ZBTB20: variants seen among roughly 807,000 people sequenced by gnomAD.
ZBTB20 encodes zinc finger and BTB domain-containing protein 20.
A neutral mutation model predicts 56.9 loss-of-function variants in ZBTB20; 9 were observed. That is an observed-to-expected ratio of 0.16 (90% CI 0.10 to 0.28). The LOEUF is 0.28. ZBTB20 is among the 10% of genes least tolerant of loss of function. The probability of loss-of-function intolerance (pLI) is 1.00; values close to 1 mark genes in which losing one functional copy is unlikely to be tolerated. For missense variants in ZBTB20, 655 were observed against 1,003.0 expected, an observed-to-expected ratio of 0.65 and a Z score of 4.69; for synonymous variants, 417 against 420.7, an observed-to-expected ratio of 0.99 and a Z score of 0.11.
chr3:114,936,578 T>C (rs988716115), intron 3 of ZBTB20, among the ~76,000 whole-genome samples: 8 of 152,234 alleles, frequency 5.3e-5, no homozygotes, highest in Non-Finnish European at 1.0e-4. Context: ...TAAAGTTTTT[T>C]AATGAATGGA....
Position 114,351,008 on chromosome 3 carries a change from G to C in ZBTB20, c.1070C>G (p.Thr357Arg), listed in dbSNP as rs760166000. 1 of 1,610,826 alleles carries C rather than the reference G, an allele frequency of 6.2e-7. No individual in the cohort carries two copies. The highest frequency in any genetic ancestry group is 2.2e-5 in the East Asian group (1 of 44,740). ...GCCCTCGGCCTGGTCTGTGTCTTCC[G>C]TGCACTCCTCGGATTCGTTGCGTTC... ...ILERNESEEC[T>R]EDTDQAEGTE... is the part of the protein sequence containing the mutation. Residue 357 changes from threonine (T) to arginine (R), a missense_variant, in exon 11 of 12, where the codon ACG becomes AGG. By Grantham distance (71) the Thr-to-Arg change is moderately conservative. Transcript: ENST00000675478.
intron 6 of ZBTB20, among the ~76,000 whole-genome samples, chr3:114,568,282 A>G (rs1407235193): frequency 6.6e-6 from 1 of 152,170 alleles, no homozygotes; most frequent in East Asian, 1.9e-4. Context: ...CCCCCCACGA[A>G]AAACCTGATG....
At chr3:114,409,071 G>A (rs1312150707) in intron 7 of ZBTB20, among the ~76,000 whole-genome samples, 1 of 150,404 alleles carries the variant, frequency 6.6e-6, no homozygotes, top group East Asian at 2.0e-4. Flanking sequence ...GGCAGAAAAG[G>A]TTGAACGTAC....
chr3:114,371,921 A>G (rs1400492277), intron 10 of ZBTB20, among the ~76,000 whole-genome samples: 3 of 151,214 alleles, frequency 2.0e-5, no homozygotes, highest in Non-Finnish European at 1.5e-5. Flanking sequence ...AGCAAAAAAG[A>G]AAGCAAAAAA....
chr3:114,871,108 G>A (rs982153845), intron 4 of ZBTB20, among the ~76,000 whole-genome samples: 5 of 152,110 alleles, frequency 3.3e-5, no homozygotes, highest in African/African-American at 1.2e-4. Context: ...CATGACTACT[G>A]ACATGAAATT....
intron 6 of ZBTB20, among the ~76,000 whole-genome samples, chr3:114,679,326 C>T (rs572588609): frequency 6.6e-6 from 1 of 152,144 alleles, no homozygotes; most frequent in Admixed American, 6.5e-5. Context: ...GCAAAAGAAA[C>T]TATCATCAGA....
At chr3:115,135,970 CTTTG>C (rs954290010) in intron 1 of ZBTB20, among the ~76,000 whole-genome samples, 1 of 152,030 alleles carries the variant, frequency 6.6e-6, no homozygotes. Context: ...GCATAGTGTG[CTTTG>C]TTTGTCCCTC....
chr3:115,043,894 A>G (rs2081244022), intron 2 of ZBTB20, among the ~76,000 whole-genome samples: 1 of 152,104 alleles, frequency 6.6e-6, no homozygotes, highest in South Asian at 2.1e-4. Flanking sequence ...ATGGGGGTTG[A>G]TACCTAATGA....
rs868380091 is a variant in ZBTB20, at chr3:114,942,804, C to T, written c.-456+31562G>A. Among the ~76,000 whole-genome samples, 11 of 145,216 alleles carry T rather than the reference C, an allele frequency of 7.6e-5. 3 individuals are homozygous for T. Among genetic ancestry groups the T allele is most frequent in the African/African-American group, 2.8e-4 (10 of 35,370 alleles). ...GCTGTTTCCTAAGTAGAACAGAATGCGAGACTGAGCACAAAGCTCCAGATT... is the reference window on the plus strand; with the variant it reads ...GCTGTTTCCTAAGTAGAACAGAATGTGAGACTGAGCACAAAGCTCCAGATT... On this transcript the variant is annotated intron_variant, in intron 3 of 11. Transcript: ENST00000675478.
chr3:114,595,073 AC>A (rs2056192807), intron 6 of ZBTB20, among the ~76,000 whole-genome samples: 2 of 152,142 alleles, frequency 1.3e-5, no homozygotes, highest in Admixed American at 1.3e-4. Flanking sequence ...CATTTAAAAA[AC>A]TTTGGGGTCA....
At chr3:115,010,483 AAAGAGAACAAGAGTCTCTGCCTGGTAATC>A (rs1446174931) in intron 2 of ZBTB20, among the ~76,000 whole-genome samples, 1 of 151,944 alleles carries the variant, frequency 6.6e-6, no homozygotes, top group Admixed American at 6.6e-5. Flanking sequence ...GAAAACAAGG[AAAGAGAACAAGAGTCTCTGCCTGGTAATC>A]AAGAGAATTC....
rs1260975118 is a variant in ZBTB20 at position 114,948,656 on chromosome 3, G to A, written c.-456+25710C>T. Among the ~76,000 whole-genome samples, 18 of 145,060 alleles carry A rather than the reference G, an allele frequency of 1.2e-4. 4 individuals carry two copies. Among genetic ancestry groups the A allele is most frequent in the African/African-American group, 5.1e-4 (18 of 35,264 alleles). ...TGTGTCATAGATAGATAGATAGATA[G>A]ATATGAATTGTTTTCTTATATAGTA... On this transcript the variant is annotated intron_variant, in intron 3 of 11. Coordinates refer to ENST00000675478, the MANE Select transcript of ZBTB20 (RefSeq NM_001348800.3).
At chr3:115,112,611 C>A (rs1343415248) in intron 1 of ZBTB20, among the ~76,000 whole-genome samples, 2 of 152,212 alleles carry the variant, frequency 1.3e-5, no homozygotes, top group Non-Finnish European at 2.9e-5. Flanking sequence ...CAGCTCCATT[C>A]ACATTGCTGC....
intron 3 of ZBTB20, among the ~76,000 whole-genome samples, chr3:114,948,886 C>T (rs1282983060): frequency 6.9e-6 from 1 of 145,878 alleles, no homozygotes; most frequent in African/African-American, 2.8e-5. Flanking sequence ...AATACCATCT[C>T]AATCAAAATC....
At chr3:114,773,532 A>G (rs2108749386) in intron 5 of ZBTB20, among the ~76,000 whole-genome samples, 1 of 152,332 alleles carries the variant, frequency 6.6e-6, no homozygotes, top group East Asian at 1.9e-4. Flanking sequence ...AAGGAAAAAG[A>G]ACACAGGGAG....
chr3:114,643,044 A>T (rs1365115747), intron 6 of ZBTB20, among the ~76,000 whole-genome samples: 1 of 152,120 alleles, frequency 6.6e-6, no homozygotes, highest in African/African-American at 2.4e-5. Context: ...ATTCAAGGAA[A>T]AAAATATTTT....
At chr3:114,487,797 T>C (rs2042299158) in intron 7 of ZBTB20, among the ~76,000 whole-genome samples, 1 of 152,176 alleles carries the variant, frequency 6.6e-6, no homozygotes, top group Non-Finnish European at 1.5e-5. Flanking sequence ...AATATTCCAT[T>C]TCATTAAGTA....
At chr3:114,837,871 G>C (rs2074196344) in intron 4 of ZBTB20, among the ~76,000 whole-genome samples, 1 of 152,068 alleles carries the variant, frequency 6.6e-6, no homozygotes, top group Non-Finnish European at 1.5e-5. Context: ...TACATTCTTA[G>C]TGTTCAGAAA....
At chr3:114,613,213 A>C (rs542426961) in intron 6 of ZBTB20, among the ~76,000 whole-genome samples, 3 of 152,176 alleles carry the variant, frequency 2.0e-5, no homozygotes, top group African/African-American at 7.2e-5. Context: ...TGTATTAGGC[A>C]AGAAGACAAA....
Sources: allele counts gnomAD v4.1 joint callset (sites outside exome capture counted in the v4.1 genomes callset), GRCh38; gene constraint gnomAD v4.1.1; transcripts MANE v1.5; gene names NCBI Gene and HGNC (gene_info 2026-07-23, HGNC 2026-07-21).